EPHB1: variants seen among roughly 807,000 people sequenced by gnomAD.
The protein encoded by EPHB1 is ephrin type-B receptor 1.
EPHB1 carries 30 observed loss-of-function variants against 94.4 expected under a neutral mutation model. The observed-to-expected ratio is 0.32, with a 90% CI of 0.24 to 0.43. EPHB1 has a LOEUF of 0.43. EPHB1 is among the 20% of genes least tolerant of loss of function. The pLI is 1.00. For synonymous variants in EPHB1, 522 were observed against 489.1 expected (o/e 1.07, Z -0.89); for missense variants, 1,055 against 1,308.3 (o/e 0.81, Z 2.99).
At chr3:135,007,439 G>A (rs41182) in intron 3 of EPHB1, among the ~76,000 whole-genome samples, 23,122 of 152,128 alleles carry the variant, frequency 0.15, 2,554 homozygotes, top group African/African-American at 0.31. Context: ...CGAAATAATG[G>A]CAAGTGGATT....
chr3:134,858,149 C>CCATCATCAT (rs71139558), intron 1 of EPHB1, among the ~76,000 whole-genome samples: 60 of 148,432 alleles, frequency 4.0e-4, no homozygotes, highest in Non-Finnish European at 5.7e-4. Context: ...TTTTATTGTT[C>CCATCATCAT]CATCATCATC....
chr3:134,837,268 C>T (rs1204516997), intron 1 of EPHB1, among the ~76,000 whole-genome samples: 2 of 152,126 alleles, frequency 1.3e-5, no homozygotes, highest in Admixed American at 6.5e-5. Context: ...AAAAGGTATA[C>T]CCTCTATTCC....
intron 3 of EPHB1, among the ~76,000 whole-genome samples, chr3:135,051,780 C>T (rs911192461): frequency 6.6e-5 from 10 of 152,110 alleles, no homozygotes; most frequent in African/African-American, 2.4e-4. Context: ...GGAAGTTAAA[C>T]GGCAGAGAAG....
intron 5 of EPHB1, among the ~76,000 whole-genome samples, chr3:135,153,223 T>C (rs140744367): frequency 1.7e-3 from 258 of 152,188 alleles, no homozygotes; most frequent in Middle Eastern, 6.8e-3. Context: ...TAAAGTGGAG[T>C]TTGAGTGAGG....
At chr3:135,122,422 G>A (rs770157217) in intron 4 of EPHB1, among the ~76,000 whole-genome samples, 2 of 152,114 alleles carry the variant, frequency 1.3e-5, no homozygotes, top group Non-Finnish European at 2.9e-5. Context: ...TTCTTGACTT[G>A]GAGCATTTCC....
intron 3 of EPHB1, among the ~76,000 whole-genome samples, chr3:135,016,799 T>A (rs1935811793): frequency 6.6e-6 from 1 of 152,222 alleles, no homozygotes; most frequent in Admixed American, 6.5e-5. Flanking sequence ...TTTCACTGAT[T>A]AGCATTGCTT....
At position 134,984,153 on chromosome 3, in the gene EPHB1, G is replaced by A. The variant is rs190521809; in HGVS notation, c.805+32101G>A. Among the ~76,000 whole-genome samples the A allele has an allele frequency of 2.6e-5, 4 of 152,310 alleles. No individual in the cohort carries two copies. In the East Asian group the frequency reaches 5.8e-4, roughly 22 times the overall value. ...AAGTAGGAACTAGAGTAGAACCCCTGACCCTGAGTTTCATTCACTGTGTCT... is the reference window on the plus strand; with the variant it reads ...AAGTAGGAACTAGAGTAGAACCCCTAACCCTGAGTTTCATTCACTGTGTCT... On this transcript the variant is annotated intron_variant, in intron 3 of 15. Coordinates refer to ENST00000398015, the MANE Select transcript of EPHB1 (RefSeq NM_004441.5).
rs1428263720 is a variant in EPHB1, at chr3:135,192,624, G to A, written c.1931G>A (p.Arg644Lys). ...YKGRLKLPGK[R>K]EIYVAIKTLK... The stretch of plus-strand genomic sequence containing the variant: ...GGGCGTTTGAAACTGCCAGGCAAGA[G>A]GGAAATCTACGTGGCCATCAAGACC... Residue 644 changes from arginine (R) to lysine (K), a missense_variant, in exon 11 of 16, where the codon AGG becomes AAG. Transcript: ENST00000398015. 1.9e-6 allele frequency: 3 copies of A among 1,613,926 alleles called. No individual in the cohort carries two copies. In the African/African-American group the frequency reaches 4.0e-5, roughly 22 times the overall value.
At chr3:135,117,956 TG>T (rs966247559) in intron 4 of EPHB1, among the ~76,000 whole-genome samples, 2 of 143,810 alleles carry the variant, frequency 1.4e-5, no homozygotes, top group African/African-American at 5.0e-5. Context: ...TGGGGTGGGG[TG>T]GGGGGCAATG....
chr3:135,066,160 C>G (rs1937577819), intron 3 of EPHB1, among the ~76,000 whole-genome samples: 1 of 152,186 alleles, frequency 6.6e-6, no homozygotes, highest in Non-Finnish European at 1.5e-5. Flanking sequence ...TTTAGATAAC[C>G]TGATGGCAAT....
chr3:134,835,075 CTCTT>C (rs1560255099), intron 1 of EPHB1, among the ~76,000 whole-genome samples: 1 of 152,236 alleles, frequency 6.6e-6, no homozygotes, highest in East Asian at 1.9e-4. Context: ...TTGGCAGTCT[CTCTT>C]TCTTGGCTTC....
At chr3:134,887,404 C>T (rs746142835) in intron 1 of EPHB1, among the ~76,000 whole-genome samples, 2 of 152,190 alleles carry the variant, frequency 1.3e-5, no homozygotes, top group African/African-American at 2.4e-5. Context: ...GACAGCCTGG[C>T]TTCAGGAAGA....
At chr3:135,170,977 G>C (rs965867991) in intron 9 of EPHB1, among the ~76,000 whole-genome samples, 5 of 152,210 alleles carry the variant, frequency 3.3e-5, no homozygotes, top group Non-Finnish European at 7.3e-5. Context: ...AACAAATGGG[G>C]TATGTGCCCA....
At chr3:135,244,807 A>G (rs769733065) in intron 13 of EPHB1, among the ~76,000 whole-genome samples, 1 of 152,232 alleles carries the variant, frequency 6.6e-6, no homozygotes, top group Non-Finnish European at 1.5e-5. Flanking sequence ...AAGGCATTGT[A>G]CTTCAAAGAC....
chr3:135,245,537 T>A (rs1446053948), intron 13 of EPHB1, among the ~76,000 whole-genome samples: 4,411 of 106,092 alleles, frequency 0.042, 263 homozygotes, highest in African/African-American at 0.14. Flanking sequence ...AAAAAAAAAA[T>A]CGGCCCGTGC....
chr3:134,912,704 G>A (rs1330958944), intron 1 of EPHB1, among the ~76,000 whole-genome samples: 1 of 152,234 alleles, frequency 6.6e-6, no homozygotes, highest in Non-Finnish European at 1.5e-5. Flanking sequence ...CACCATGCCT[G>A]GGCCAGAGGG....
rs544796034 is a variant in EPHB1, at chr3:135,172,920, C to T, written c.1759+5914C>T. Among the ~76,000 whole-genome samples, 9 of 152,360 alleles carry T rather than the reference C, an allele frequency of 5.9e-5. No individual in the cohort carries two copies. The South Asian group carries it at 1.9e-3, about 32-fold the overall frequency. Reference sequence around the variant, plus strand: ...ATCATCAGCTCCTGCCCTTTGCTTCCCAACAGCTCCTCAGTGATCCAGAAT... The same window carrying T: ...ATCATCAGCTCCTGCCCTTTGCTTCTCAACAGCTCCTCAGTGATCCAGAAT... On this transcript the variant is annotated intron_variant, in intron 9 of 15. Coordinates refer to ENST00000398015, the MANE Select transcript of EPHB1 (RefSeq NM_004441.5).
chr3:134,994,520 G>A (rs1035450547), intron 3 of EPHB1, among the ~76,000 whole-genome samples: 1 of 152,174 alleles, frequency 6.6e-6, no homozygotes, highest in Admixed American at 6.5e-5. Context: ...GGAATTTCTT[G>A]TCTGGCAAAA....
At position 134,849,747 on chromosome 3, in the gene EPHB1, T is replaced by C. The variant is rs900066077; in HGVS notation, c.58+54058T>C. On this transcript the variant is annotated intron_variant, in intron 1 of 15. Coordinates refer to ENST00000398015, the MANE Select transcript of EPHB1 (RefSeq NM_004441.5). ...CTAGACAGTGGTACCAGCCCTCGCA[T>C]GGCTGCCTCTTGAGATGCACTCTAG... Among the ~76,000 whole-genome samples, 8 of 152,336 alleles carry C rather than the reference T, an allele frequency of 5.3e-5. No individual in the cohort carries two copies. The South Asian group carries it at 1.5e-3, about 28-fold the overall frequency.
Sources: gnomAD v4.1 joint callset for allele counts (sites outside exome capture counted in the v4.1 genomes callset) on GRCh38, gnomAD v4.1.1 for gene constraint, MANE v1.5 for transcripts, NCBI Gene and HGNC (gene_info 2026-07-23, HGNC 2026-07-21) for gene names.